ODAD4: variants seen among roughly 807,000 people sequenced by gnomAD.
ODAD4 encodes outer dynein arm docking complex subunit 4.
In ODAD4, 49 loss-of-function variants were observed where a neutral mutation model predicts 51.8. The ratio of observed to expected loss-of-function variants is 0.95; its 90% confidence interval spans 0.75 to 1.20. ODAD4 has a LOEUF of 1.20. ODAD4 is among the 50% of genes most tolerant of loss of function. The pLI, the probability that ODAD4 is intolerant of heterozygous loss-of-function variation, is 0.00. For missense variants in ODAD4, 590 were observed against 586.5 expected (o/e 1.01, Z -0.06); for synonymous variants, 235 against 221.3 (o/e 1.06, Z -0.55).
chr17:41,941,051 G>T lies in ODAD4; in HGVS notation c.1058+1879G>T, dbSNP rs535323379. On this transcript the variant is annotated intron_variant, in intron 7 of 11. Transcript: ENST00000377540. The stretch of plus-strand genomic sequence containing the variant: ...TTTGCCATATCGCTCAAGTTGGTCT[G>T]GATGACAGGCGTGAGCCACTGCGCT... 1.1e-4 allele frequency among the ~76,000 whole-genome samples: 16 copies of T among 152,282 alleles called. No individual in the cohort carries two copies. In the East Asian group the frequency reaches 3.1e-3, roughly 29 times the overall value.
At chr17:41,938,040 C>T (rs369626024) in intron 5 of ODAD4, among the ~76,000 whole-genome samples, 7 of 152,202 alleles carry the variant, frequency 4.6e-5, no homozygotes, top group East Asian at 1.9e-4. Context: ...CCAGAGGACC[C>T]GCTGCGGAGG....
intron 1 of ODAD4, among the ~76,000 whole-genome samples, chr17:41,933,900 G>C (rs2050385616): frequency 6.6e-6 from 1 of 151,832 alleles, no homozygotes; most frequent in African/African-American, 2.4e-5. Context: ...ACACAGAAAA[G>C]AGGACACTGG....
At chr17:41,952,704 CT>C (rs2050675538) in intron 9 of ODAD4, 1 of 512,338 alleles carries the variant, frequency 2.0e-6, no homozygotes, top group African/African-American at 1.9e-5. Context: ...CAGAATTACA[CT>C]TAAATTTCCT....
In ODAD4 at chr17:41,930,844, C is replaced by G; in HGVS notation, c.114+7C>G. The G allele has an allele frequency of 1.5e-6, 2 of 1,330,242 alleles. No individual in the cohort carries two copies. Among genetic ancestry groups the G allele is most frequent in the Non-Finnish European group, 2.1e-6 (2 of 963,014 alleles). 82.4% of individuals were successfully genotyped at this position (1,330,242 alleles called of 1,614,324 possible). A position where few individuals can be genotyped will look rare whatever the true frequency, so the allele number is the denominator to read the frequency against. The stretch of plus-strand genomic sequence containing the variant: ...CGCGCAGAGCTTCAGCAACGTGAGT[C>G]GAGCTCTCAACCTATCCATCACCCC... On this transcript the variant is annotated splice_region_variant and intron_variant, in intron 1 of 11. Transcript: ENST00000377540.
At chr17:41,951,756 C>T (rs202094669) in intron 9 of ODAD4, among the ~76,000 whole-genome samples, 19 of 150,978 alleles carry the variant, frequency 1.3e-4, no homozygotes, top group Admixed American at 7.9e-4. Flanking sequence ...TGGTGGCACA[C>T]GCCTGTAGTC....
At chr17:41,951,709 C>T (rs1181724156) in intron 9 of ODAD4, among the ~76,000 whole-genome samples, 1 of 151,184 alleles carries the variant, frequency 6.6e-6, no homozygotes, top group African/African-American at 2.4e-5. Context: ...CAAGGTGAAA[C>T]CTCGTCTCTA....
chr17:41,932,230 C>G (rs1273333485), intron 1 of ODAD4, among the ~76,000 whole-genome samples: 2 of 152,016 alleles, frequency 1.3e-5, no homozygotes, highest in Admixed American at 6.6e-5. Flanking sequence ...CCACCATGCT[C>G]GGCTAATTTT....
intron 7 of ODAD4, among the ~76,000 whole-genome samples, chr17:41,942,521 A>G (rs984656532): frequency 2.0e-5 from 3 of 152,236 alleles, no homozygotes; most frequent in Middle Eastern, 3.2e-3. Flanking sequence ...TCGCCAGAAC[A>G]GAGTACCCAC....
chr17:41,936,129 C>G (rs758556394), intron 3 of ODAD4, among the ~76,000 whole-genome samples: 4 of 152,210 alleles, frequency 2.6e-5, no homozygotes, highest in Non-Finnish European at 5.9e-5. Context: ...CAAGGGCTGG[C>G]CTTAGCCATC....
chr17:41,944,444 A>ACACACACACCCC (rs1191101800), intron 7 of ODAD4, among the ~76,000 whole-genome samples: 18 of 19,534 alleles, frequency 9.2e-4, no homozygotes, highest in African/African-American at 1.2e-3. Context: ...ACACACACAC[A>ACACACACACCCC]CCCCCCCGCA....
chr17:41,961,213 A>G (rs1403771148), intron 10 of ODAD4, among the ~76,000 whole-genome samples, 169 bp from the exon 11 acceptor site: 1 of 152,000 alleles, frequency 6.6e-6, no homozygotes, highest in Non-Finnish European at 1.5e-5. Flanking sequence ...GATCATTCTG[A>G]GTCAGTAAGT....
chr17:41,932,208 C>T (rs1220232192), intron 1 of ODAD4, among the ~76,000 whole-genome samples: 2 of 151,990 alleles, frequency 1.3e-5, no homozygotes, highest in Non-Finnish European at 2.9e-5. Flanking sequence ...TAGCTGGGAT[C>T]CCAGGCATGC....
At chr17:41,950,493 G>A (rs965572851) in intron 9 of ODAD4, among the ~76,000 whole-genome samples, 2 of 148,912 alleles carry the variant, frequency 1.3e-5, no homozygotes, top group African/African-American at 2.5e-5. Context: ...AATGATTCCT[G>A]TGCCTCAGCT....
chr17:41,962,010 G>A (rs888016746), intron 11 of ODAD4, among the ~76,000 whole-genome samples: 2 of 152,212 alleles, frequency 1.3e-5, no homozygotes, highest in Admixed American at 6.5e-5. Flanking sequence ...AGTGGGAGAA[G>A]AAAGGCATTT....
intron 7 of ODAD4, 43 bp downstream of exon 7, chr17:41,939,215 A>G: frequency 6.4e-7 from 1 of 1,565,888 alleles, no homozygotes; most frequent in Non-Finnish European, 8.7e-7. Flanking sequence ...CCTACGGAGA[A>G]GGACACCTGG....
rs532095256 is a variant in ODAD4 at position 41,958,195 on chromosome 17, A to G, written c.1443+2878A>G. Among the ~76,000 whole-genome samples the G allele has an allele frequency of 3.9e-5, 6 of 152,240 alleles. No homozygotes were observed. The East Asian group carries it at 9.7e-4, about 25-fold the overall frequency. ...CCACTCAACCTTTAGGTTTCAGCTT[A>G]GATGTCCCCTCTTTGAGGCGGCCTT... On this transcript the variant is annotated intron_variant, in intron 10 of 11. Coordinates refer to ENST00000377540, the MANE Select transcript of ODAD4 (RefSeq NM_031421.5).
At chr17:41,959,137 C>A (rs1165947870) in intron 10 of ODAD4, among the ~76,000 whole-genome samples, 2 of 152,186 alleles carry the variant, frequency 1.3e-5, no homozygotes, top group African/African-American at 4.8e-5. Flanking sequence ...AGGCAGAGAC[C>A]AGGGGAGAAA....
At chr17:41,938,183 G>A (rs1299527541) in intron 5 of ODAD4, among the ~76,000 whole-genome samples, 1 of 152,196 alleles carries the variant, frequency 6.6e-6, no homozygotes, top group Non-Finnish European at 1.5e-5. Flanking sequence ...CTGGGCACCT[G>A]GGAAATCACT....
intron 5 of ODAD4, 49 bp downstream of exon 5, chr17:41,936,976 G>T: frequency 6.2e-7 from 1 of 1,600,938 alleles, no homozygotes; most frequent in Non-Finnish European, 8.5e-7. Flanking sequence ...GGAAATCTGG[G>T]TGGATGCTTC....
Sources: gnomAD v4.1 joint callset for allele counts (sites outside exome capture counted in the v4.1 genomes callset) on GRCh38, gnomAD v4.1.1 for gene constraint, MANE v1.5 for transcripts, NCBI Gene and HGNC (gene_info 2026-07-23, HGNC 2026-07-21) for gene names.